Variants in FGF14 observed in about 807,000 individuals in gnomAD.
The protein encoded by FGF14 is fibroblast growth factor 14.
In FGF14, 5 loss-of-function variants were observed where a neutral mutation model predicts 25.5. That is an observed-to-expected ratio of 0.20 (90% CI 0.10 to 0.41). The LOEUF is 0.41. Among genes scored for constraint, FGF14 ranks in the 10% least tolerant of loss-of-function variants. FGF14 has a pLI of 1.00. For missense variants in FGF14, 222 were observed against 320.1 expected (o/e 0.69, Z 2.34); for synonymous variants, 138 against 118.3 (o/e 1.17, Z -1.08).
At chr13:102,133,411 G>C (rs2046282478) in intron 1 of FGF14, among the ~76,000 whole-genome samples, 1 of 152,144 alleles carries the variant, frequency 6.6e-6, no homozygotes, top group Non-Finnish European at 1.5e-5. Flanking sequence ...AATTTGGATT[G>C]TGTTAAATCA....
chr13:102,359,745 G>T (rs889018064), intron 1 of FGF14, among the ~76,000 whole-genome samples: 5 of 151,742 alleles, frequency 3.3e-5, no homozygotes, highest in Admixed American at 3.3e-4. Flanking sequence ...GTAGGAAAAA[G>T]AGAATTCACT....
chr13:102,201,827 G>C (rs1481109364), intron 1 of FGF14, among the ~76,000 whole-genome samples: 1 of 152,156 alleles, frequency 6.6e-6, no homozygotes, highest in African/African-American at 2.4e-5. Context: ...CTGTTACTGG[G>C]GGACGGACAG....
chr13:102,083,852 A>G (rs1015917092), intron 1 of FGF14, among the ~76,000 whole-genome samples: 4 of 152,208 alleles, frequency 2.6e-5, no homozygotes, highest in Admixed American at 2.6e-4. Flanking sequence ...TGGAGTTTTC[A>G]TTATTAAATC....
intron 1 of FGF14, among the ~76,000 whole-genome samples, chr13:102,101,281 T>C (rs1394003964): frequency 6.6e-6 from 1 of 152,204 alleles, no homozygotes; most frequent in Non-Finnish European, 1.5e-5. Flanking sequence ...AAATTGTTAT[T>C]TGGGAACATT....
chr13:101,837,598 C>A (rs1360239414), intron 3 of FGF14, among the ~76,000 whole-genome samples: 3 of 152,044 alleles, frequency 2.0e-5, no homozygotes, highest in Non-Finnish European at 4.4e-5. Context: ...TTGAGAAATT[C>A]TTCTTTTAAG....
chr13:101,918,125 C>T (rs984224870), upstream of FGF14, among the ~76,000 whole-genome samples: 2 of 152,118 alleles, frequency 1.3e-5, no homozygotes, highest in Non-Finnish European at 2.9e-5. Context: ...TGTCTGTGTC[C>T]CGACAGCGGT....
chr13:102,368,764 A>G (rs1212133194), intron 1 of FGF14, among the ~76,000 whole-genome samples: 1 of 152,166 alleles, frequency 6.6e-6, no homozygotes, highest in Non-Finnish European at 1.5e-5. Context: ...TTCTTTTGTA[A>G]TGTTGATATT....
chr13:101,920,195 T>C (rs1402256615), upstream of FGF14, among the ~76,000 whole-genome samples: 1 of 152,164 alleles, frequency 6.6e-6, no homozygotes, highest in Non-Finnish European at 1.5e-5. Context: ...TGAACACAAA[T>C]GTAAAGGTTA....
chr13:102,032,150 G>A (rs2041243801), intron 1 of FGF14, among the ~76,000 whole-genome samples: 1 of 152,108 alleles, frequency 6.6e-6, no homozygotes. Flanking sequence ...ACAGCCTGCA[G>A]CACAGGACCT....
intron 1 of FGF14, among the ~76,000 whole-genome samples, chr13:102,336,741 A>T (rs1040566316): frequency 1.3e-5 from 2 of 152,194 alleles, no homozygotes; most frequent in Admixed American, 6.6e-5. Context: ...GTTGTTAGGG[A>T]CTAATGCAGC....
At position 101,722,840 on chromosome 13, in the gene FGF14, C is replaced by G; in HGVS notation, c.735G>C (p.Lys245Asn). Residue 245 changes from lysine (K) to asparagine (N), a missense_variant, in exon 5 of 5, where the codon AAG becomes AAC. Lys to Asn is a moderately conservative substitution (Grantham distance 94, BLOSUM62 0). Transcript: ENST00000376143. ...MNGGKPVNKS[K>N]TT ...ACCTGTGAGGATCTGGCTATGTTGT[C>G]TTACTCTTGTTGACTGGTTTGCCTC... 1 of 1,613,280 alleles carries G rather than the reference C, an allele frequency of 6.2e-7. No homozygotes were observed. Among genetic ancestry groups the G allele is most frequent in the Middle Eastern group, 1.7e-4 (1 of 6,058 alleles).
At chr13:102,265,622 C>G (rs1487333325) in intron 1 of FGF14, among the ~76,000 whole-genome samples, 2 of 152,056 alleles carry the variant, frequency 1.3e-5, no homozygotes, top group African/African-American at 4.8e-5. Flanking sequence ...TTGATTCTCA[C>G]AAAATAGCCT....
At chr13:101,936,577 A>G (rs1450951707) in intron 1 of FGF14, among the ~76,000 whole-genome samples, 1 of 152,114 alleles carries the variant, frequency 6.6e-6, no homozygotes, top group African/African-American at 2.4e-5. Flanking sequence ...AACATATTTT[A>G]ATTAGTGCCT....
At position 102,155,686 on chromosome 13, in the gene FGF14, G is replaced by A. The variant is rs2047299238; in HGVS notation, c.208+245785C>T. On this transcript the variant is annotated intron_variant, in intron 1 of 4. Coordinates refer to the FGF14 transcript ENST00000376131. ...TCAGAGCAGAACTGAAGGAGATAGA[G>A]ACAGAAAAACCCTTCAAAAAATCAA... 2.0e-5 allele frequency among the ~76,000 whole-genome samples: 3 copies of A among 151,860 alleles called. No homozygotes were observed. In the South Asian group the frequency reaches 6.3e-4, roughly 32 times the overall value.
chr13:101,921,216 C>T (rs1472676580), upstream of FGF14, among the ~76,000 whole-genome samples: 1 of 152,164 alleles, frequency 6.6e-6, no homozygotes, highest in African/African-American at 2.4e-5. Context: ...CTCTGGGAAA[C>T]TTCTTGCCAC....
At chr13:101,997,565 C>G (rs1489579248) in intron 1 of FGF14, among the ~76,000 whole-genome samples, 1 of 152,136 alleles carries the variant, frequency 6.6e-6, no homozygotes, top group Non-Finnish European at 1.5e-5. Context: ...TTGCTGGACC[C>G]CAGGTCTAGA....
At chr13:101,975,263 C>T (rs997775679) in intron 1 of FGF14, among the ~76,000 whole-genome samples, 21 of 152,148 alleles carry the variant, frequency 1.4e-4, no homozygotes, top group African/African-American at 4.8e-4. Context: ...CCACAGGGCC[C>T]AGCTGCTTCC....
Position 102,146,208 on chromosome 13 carries a change from A to G in FGF14, c.208+255263T>C, listed in dbSNP as rs570101917. Among the ~76,000 whole-genome samples the G allele has an allele frequency of 6.3e-4, 96 of 152,332 alleles. 1 individual carries two copies. Among genetic ancestry groups the G allele is most frequent in the African/African-American group, 2.2e-3 (93 of 41,582 alleles). ...CCCTTCTCAGTGTAACATGTAATTT[A>G]CACGCAGTACATGTTACCTTAGATT... On this transcript the variant is annotated intron_variant, in intron 1 of 4. Coordinates refer to the FGF14 transcript ENST00000376131.
chr13:101,886,906 G>A (rs2046016881), intron 1 of FGF14, among the ~76,000 whole-genome samples: 1 of 152,058 alleles, frequency 6.6e-6, no homozygotes, highest in African/African-American at 2.4e-5. Context: ...ATTCTTGAAA[G>A]AAGACATACA....
Sources: allele counts gnomAD v4.1 joint callset (sites outside exome capture counted in the v4.1 genomes callset), GRCh38; gene constraint gnomAD v4.1.1; transcripts MANE v1.5; gene names NCBI Gene and HGNC (gene_info 2026-07-23, HGNC 2026-07-21).